The following STK17A variants were observed in gnomAD, a reference collection of about 807,000 sequenced individuals.
STK17A encodes serine/threonine-protein kinase 17A.
A neutral mutation model predicts 43.7 loss-of-function variants in STK17A; 26 were observed. That is an observed-to-expected ratio of 0.60 (90% CI 0.44 to 0.83). STK17A has a LOEUF of 0.83. Among genes scored for constraint, STK17A ranks in the 40% least tolerant of loss-of-function variants. The pLI is 0.00. For missense variants in STK17A, 476 were observed against 511.6 expected, an observed-to-expected ratio of 0.93 and a Z score of 0.67; for synonymous variants, 191 against 182.5, an observed-to-expected ratio of 1.05 and a Z score of -0.38.
chr7:43,588,777 A>T (rs2082460486), intron 1 of STK17A, among the ~76,000 whole-genome samples: 1 of 151,342 alleles, frequency 6.6e-6, no homozygotes, highest in East Asian at 1.9e-4. Context: ...GGTTGTGGTG[A>T]GCAGAGATAG....
At chr7:43,619,545 G>C in intron 3 of STK17A, 52 bp from the exon 4 acceptor site, 2 of 1,585,938 alleles carry the variant, frequency 1.3e-6, no homozygotes, top group South Asian at 1.2e-5. Flanking sequence ...TGCATGTTTT[G>C]TGTACTTAAT....
chr7:43,613,796 A>G (rs1441204526), intron 3 of STK17A, among the ~76,000 whole-genome samples: 1 of 152,138 alleles, frequency 6.6e-6, no homozygotes, highest in Non-Finnish European at 1.5e-5. Context: ...GTGGGCTATG[A>G]TTGCACCCTG....
intron 1 of STK17A, among the ~76,000 whole-genome samples, chr7:43,588,552 C>A (rs570668971): frequency 2.0e-4 from 30 of 151,524 alleles, no homozygotes; most frequent in African/African-American, 7.0e-4. Flanking sequence ...CTGAATGGAA[C>A]TTCTTTACGT....
intron 3 of STK17A, among the ~76,000 whole-genome samples, chr7:43,616,880 G>C (rs2083403207): frequency 6.6e-6 from 1 of 152,132 alleles, no homozygotes; most frequent in Non-Finnish European, 1.5e-5. Context: ...CTGGGCAAAA[G>C]AGTGAGACTC....
intron 2 of STK17A, among the ~76,000 whole-genome samples, chr7:43,607,485 TA>T (rs1479994338): frequency 1.3e-5 from 2 of 151,296 alleles, no homozygotes; most frequent in Non-Finnish European, 3.0e-5. Flanking sequence ...CCGTCTCTAC[TA>T]AAATACAAAA....
At chr7:43,624,004 A>G in intron 6 of STK17A, 116 bp downstream of exon 6, 1 of 685,916 alleles carries the variant, frequency 1.5e-6, no homozygotes. Flanking sequence ...TTCAACTTCT[A>G]AAACACCATA....
intron 2 of STK17A, among the ~76,000 whole-genome samples, chr7:43,603,549 C>T (rs1412866667): frequency 6.6e-6 from 1 of 152,124 alleles, no homozygotes; most frequent in Non-Finnish European, 1.5e-5. Context: ...AATGAAATGT[C>T]CCAAAGTTTG....
At chr7:43,619,863 T>G (rs1211645331) in intron 4 of STK17A, 140 bp downstream of exon 4, 3 of 1,174,268 alleles carry the variant, frequency 2.6e-6, no homozygotes, top group Non-Finnish European at 3.6e-6. Context: ...TCCTTTGGAT[T>G]ACATTTTACA....
intron 3 of STK17A, among the ~76,000 whole-genome samples, chr7:43,614,165 C>G (rs77556304): frequency 0.01 from 1,581 of 152,292 alleles, 27 homozygotes; most frequent in African/African-American, 0.034. Context: ...GCCGCCAAAT[C>G]TTCTCCAGTG....
At chr7:43,607,902 A>G (rs1042312111) in intron 2 of STK17A, among the ~76,000 whole-genome samples, 1 of 152,214 alleles carries the variant, frequency 6.6e-6, no homozygotes, top group Admixed American at 6.5e-5. Context: ...TAAACTGTAC[A>G]TTACATCGTG....
intron 6 of STK17A, among the ~76,000 whole-genome samples, chr7:43,624,259 C>T (rs938083212): frequency 6.6e-6 from 1 of 152,092 alleles, no homozygotes; most frequent in Non-Finnish European, 1.5e-5. Flanking sequence ...GCAGATACTT[C>T]CCATCTGTTC....
intron 4 of STK17A, among the ~76,000 whole-genome samples, chr7:43,621,223 T>C (rs952979577): frequency 1.3e-5 from 2 of 152,214 alleles, no homozygotes; most frequent in Non-Finnish European, 2.9e-5. Flanking sequence ...TTTAAAATTT[T>C]TTATATATTT....
At position 43,627,193 on chromosome 7, in the gene STK17A, A is replaced by C. The variant is rs1251447902; in HGVS notation, c.*2351A>C. Among the ~76,000 whole-genome samples, 2 of 152,224 alleles carry C rather than the reference A, an allele frequency of 1.3e-5. No individual in the cohort carries two copies. Among genetic ancestry groups the C allele is most frequent in the Non-Finnish European group, 1.5e-5 (1 of 68,034 alleles). On this transcript the variant is annotated 3_prime_UTR_variant, in exon 7 of 7. Coordinates refer to ENST00000319357, the MANE Select transcript of STK17A (RefSeq NM_004760.3). ...GAAATGTATAAAATGTATAAGTTTT[A>C]ATCAACTGGGAAATGATATTTGATT...
At chr7:43,623,472 T>C (rs2084133457) in intron 4 of STK17A, 100 bp from the exon 5 acceptor site, 1 of 914,070 alleles carries the variant, frequency 1.1e-6, no homozygotes, top group Non-Finnish European at 1.7e-6. Flanking sequence ...AAACGTTGGA[T>C]AGTGCCTTAT....
At chr7:43,594,994 A>C (rs1318450573) in intron 1 of STK17A, among the ~76,000 whole-genome samples, 5 of 152,134 alleles carry the variant, frequency 3.3e-5, no homozygotes, top group African/African-American at 1.2e-4. Context: ...CATAGGTTTA[A>C]TTCCAGAGCT....
At chr7:43,616,663 T>C (rs943775151) in intron 3 of STK17A, among the ~76,000 whole-genome samples, 2 of 152,166 alleles carry the variant, frequency 1.3e-5, no homozygotes, top group African/African-American at 2.4e-5. Context: ...TTTGGGAGGC[T>C]GAGACGGGCG....
At chr7:43,603,834 A>T (rs2082571484) in intron 2 of STK17A, among the ~76,000 whole-genome samples, 2 of 152,230 alleles carry the variant, frequency 1.3e-5, no homozygotes, top group South Asian at 4.1e-4. Flanking sequence ...TATTTAAAAC[A>T]TTGTATAAAA....
At chr7:43,615,706 G>A (rs1443497148) in intron 3 of STK17A, among the ~76,000 whole-genome samples, 2 of 151,896 alleles carry the variant, frequency 1.3e-5, no homozygotes, top group Non-Finnish European at 2.9e-5. Context: ...CCCACCACTC[G>A]TACCCCTTTT....
rs1183040884 is a variant in STK17A at position 43,583,449 on chromosome 7, G to T, written c.206G>T (p.Arg69Met). The change falls in exon 1 of 7, where the codon AGG (arginine) becomes ATG (methionine). Residue 69 changes from arginine to methionine, a missense_variant and splice_region_variant. Transcript: ENST00000319357. The part of the protein sequence containing the change: ...YSLCPGRELG[R>M]GKFAVVRKCI... ...CTGTGCCCGGGCCGGGAGCTGGGCA[G>T]GTGAGGACGGGCGGGGCCCGGCGCG... 1 of 1,330,980 alleles carries T rather than the reference G, an allele frequency of 7.5e-7. No homozygotes were observed. The allele number at this position is 1,330,980 out of a possible 1,614,324, so 82.4% of individuals were successfully genotyped here.
Sources: allele counts gnomAD v4.1 joint callset (sites outside exome capture counted in the v4.1 genomes callset), GRCh38; gene constraint gnomAD v4.1.1; transcripts MANE v1.5; gene names NCBI Gene and HGNC (gene_info 2026-07-23, HGNC 2026-07-21).